PRKN: variants seen among roughly 807,000 people sequenced by gnomAD.
PRKN encodes the protein parkin RBR E3 ubiquitin protein ligase.
PRKN carries 56 observed loss-of-function variants against 59.5 expected under a neutral mutation model. That is an observed-to-expected ratio of 0.94 (90% confidence interval 0.76 to 1.18). The LOEUF is 1.18. Among genes scored for constraint, PRKN ranks in the 50% most tolerant of loss-of-function variants. PRKN has a pLI of 0.00. For synonymous variants in PRKN, 250 were observed against 222.1 expected, an observed-to-expected ratio of 1.13 and a Z score of -1.12; for missense variants, 657 against 596.4, an observed-to-expected ratio of 1.10 and a Z score of -1.06.
chr6:162,511,960 T>C (rs548049415), intron 1 of PRKN, among the ~76,000 whole-genome samples: 1 of 152,306 alleles, frequency 6.6e-6, no homozygotes, highest in South Asian at 2.1e-4. Context: ...CATGGAGTTG[T>C]ATACAATGGA....
intron 4 of PRKN, among the ~76,000 whole-genome samples, chr6:162,138,852 C>T (rs1583088228): frequency 6.6e-6 from 1 of 151,980 alleles, no homozygotes; most frequent in East Asian, 1.9e-4. Flanking sequence ...CTCATCTCAC[C>T]AAGAAAATAG....
chr6:162,408,539 C>T (rs1037704000), intron 2 of PRKN, among the ~76,000 whole-genome samples: 2 of 152,052 alleles, frequency 1.3e-5, no homozygotes, highest in Non-Finnish European at 2.9e-5. Flanking sequence ...TCATTCAAGG[C>T]CTTTAAACCA....
chr6:161,666,957 C>G (rs1784748258), intron 7 of PRKN, among the ~76,000 whole-genome samples: 1 of 152,152 alleles, frequency 6.6e-6, no homozygotes, highest in South Asian at 2.1e-4. Context: ...GTGCAAGAGC[C>G]AGGCACATGG....
At chr6:162,360,222 G>A (rs1436047323) in intron 2 of PRKN, among the ~76,000 whole-genome samples, 1 of 152,032 alleles carries the variant, frequency 6.6e-6, no homozygotes, top group Non-Finnish European at 1.5e-5. Context: ...CTTTCTAATA[G>A]TGCAACTTAC....
chr6:162,551,361 T>C (rs7755248), intron 1 of PRKN, among the ~76,000 whole-genome samples: 45,354 of 152,142 alleles, frequency 0.3, 7,186 homozygotes, highest in East Asian at 0.49. Flanking sequence ...AAACTTACAA[T>C]ATAAGAGCTA....
chr6:161,901,129 G>A (rs1320570974), intron 6 of PRKN, among the ~76,000 whole-genome samples: 1 of 151,840 alleles, frequency 6.6e-6, no homozygotes, highest in Admixed American at 6.6e-5. Context: ...TGTTAGCCAG[G>A]CTGGTCTCAA....
At chr6:162,287,620 A>G (rs1781253437) in intron 2 of PRKN, among the ~76,000 whole-genome samples, 1 of 152,110 alleles carries the variant, frequency 6.6e-6, no homozygotes. Context: ...AAAAGGTTGG[A>G]TTTAAGGGCT....
At chr6:162,083,280 A>G (rs917228067) in intron 4 of PRKN, among the ~76,000 whole-genome samples, 5 of 152,130 alleles carry the variant, frequency 3.3e-5, no homozygotes, top group Admixed American at 1.3e-4. Flanking sequence ...GATTAATAAT[A>G]ATGCAAAGGT....
At chr6:162,579,882 CCT>C (rs1491023356) in intron 1 of PRKN, among the ~76,000 whole-genome samples, 3 of 152,104 alleles carry the variant, frequency 2.0e-5, no homozygotes, top group South Asian at 4.1e-4. Flanking sequence ...TATGGAATGC[CCT>C]GTTTGCATGC....
Position 162,576,934 on chromosome 6 carries a change from C to T in PRKN, c.8-133461G>A, listed in dbSNP as rs1228653024. 2.6e-5 allele frequency among the ~76,000 whole-genome samples: 4 copies of T among 151,866 alleles called. No homozygotes were observed. The East Asian group carries it at 7.7e-4, about 29-fold the overall frequency. On this transcript the variant is annotated intron_variant, in intron 1 of 11. Transcript: ENST00000366898. ...ACTAAAGATTTACCATCAGGGTGGG[C>T]TCAGTTTCTTTCAGGTAAATGAAAA...
chr6:162,114,818 C>G (rs111688558), intron 4 of PRKN, among the ~76,000 whole-genome samples: 2 of 151,722 alleles, frequency 1.3e-5, no homozygotes, highest in Non-Finnish European at 2.9e-5. Flanking sequence ...CCAGTTAGAA[C>G]GGCAATCATT....
intron 1 of PRKN, among the ~76,000 whole-genome samples, chr6:162,449,242 C>T (rs1790475118): frequency 6.6e-6 from 1 of 152,258 alleles, no homozygotes; most frequent in South Asian, 2.1e-4. Flanking sequence ...ACACGGATGT[C>T]CAGTAGATAA....
chr6:162,629,760 T>C (rs768307577), intron 1 of PRKN, among the ~76,000 whole-genome samples: 6 of 152,168 alleles, frequency 3.9e-5, no homozygotes, highest in Non-Finnish European at 5.9e-5. Context: ...CCATATCTAA[T>C]TTGGGACATG....
At chr6:161,763,117 G>T (rs1789272016) in intron 7 of PRKN, among the ~76,000 whole-genome samples, 2 of 152,142 alleles carry the variant, frequency 1.3e-5, no homozygotes. Flanking sequence ...GAAAACTTAT[G>T]TGTCATTCAG....
At chr6:162,416,908 A>G (rs6933748) in intron 2 of PRKN, among the ~76,000 whole-genome samples, 83,314 of 151,788 alleles carry the variant, frequency 0.55, 23,812 homozygotes, top group African/African-American at 0.71. Context: ...AAAAATGGAT[A>G]AGAATGTGTT....
At chr6:161,757,999 G>A (rs909058927) in intron 7 of PRKN, among the ~76,000 whole-genome samples, 2 of 145,698 alleles carry the variant, frequency 1.4e-5, no homozygotes, top group Admixed American at 1.4e-4. Flanking sequence ...TAGTCATTAG[G>A]AAATGCAACA....
intron 1 of PRKN, among the ~76,000 whole-genome samples, chr6:162,656,953 A>G (rs1457217836): frequency 6.6e-6 from 1 of 152,140 alleles, no homozygotes; most frequent in African/African-American, 2.4e-5. Flanking sequence ...TTAAACATCT[A>G]CTTTCAGAAC....
chr6:162,680,106 AT>A (rs1200272931), intron 1 of PRKN, among the ~76,000 whole-genome samples: 3 of 151,738 alleles, frequency 2.0e-5, no homozygotes, highest in African/African-American at 7.3e-5. Context: ...CATATAACAC[AT>A]TTTCTTTTCT....
At chr6:162,156,873 C>T (rs1479076250) in intron 4 of PRKN, among the ~76,000 whole-genome samples, 1 of 152,128 alleles carries the variant, frequency 6.6e-6, no homozygotes, top group African/African-American at 2.4e-5. Context: ...TTTGTAAAGA[C>T]TCCAGACCAT....
Sources: gnomAD v4.1 joint callset for allele counts (sites outside exome capture counted in the v4.1 genomes callset) on GRCh38, gnomAD v4.1.1 for gene constraint, MANE v1.5 for transcripts, NCBI Gene and HGNC (gene_info 2026-07-23, HGNC 2026-07-21) for gene names.